The following POU2F1 variants were observed in gnomAD, a reference collection of about 807,000 sequenced individuals.
The protein encoded by POU2F1 is POU domain, class 2, transcription factor 1.
A neutral mutation model predicts 84.9 loss-of-function variants in POU2F1; 16 were observed. The observed-to-expected ratio is 0.19, with a 90% CI of 0.13 to 0.29. The LOEUF is 0.29. Ranked by LOEUF, POU2F1 falls within the 10% of genes least tolerant of loss-of-function variation. The pLI is 1.00. For missense variants in POU2F1, 738 were observed against 942.6 expected (o/e 0.78, Z 2.84); for synonymous variants, 368 against 368.3 (o/e 1.00, Z 0.01).
intron 1 of POU2F1, among the ~76,000 whole-genome samples, chr1:167,312,776 G>A (rs1176741895): frequency 6.6e-6 from 1 of 152,054 alleles, no homozygotes; most frequent in African/African-American, 2.4e-5. Flanking sequence ...CATGGTAAGT[G>A]CCCTATACAG....
At chr1:167,228,072 G>T (rs1648772378) in intron 1 of POU2F1, among the ~76,000 whole-genome samples, 1 of 152,292 alleles carries the variant, frequency 6.6e-6, no homozygotes, top group East Asian at 1.9e-4. Context: ...AAGGCTTTAT[G>T]TAGAAGGCGA....
chr1:167,328,773 A>G (rs1408924943), intron 1 of POU2F1, among the ~76,000 whole-genome samples: 2 of 152,188 alleles, frequency 1.3e-5, no homozygotes, highest in Admixed American at 6.5e-5. Flanking sequence ...TTAATATGCA[A>G]ATAGCCTGAT....
intron 13 of POU2F1, 64 bp downstream of exon 13, chr1:167,401,620 G>C: frequency 9.6e-7 from 1 of 1,045,052 alleles, no homozygotes. Flanking sequence ...GTTATTATAA[G>C]AGTCTACCAT....
intron 1 of POU2F1, among the ~76,000 whole-genome samples, chr1:167,245,411 ATTTT>A (rs985054717): frequency 7.5e-6 from 1 of 132,472 alleles, no homozygotes; most frequent in Non-Finnish European, 1.6e-5. Flanking sequence ...TGCCTGGCTA[ATTTT>A]TTTTTTTTTT....
chr1:167,315,069 G>C (rs1317704627), intron 1 of POU2F1, among the ~76,000 whole-genome samples: 1 of 152,082 alleles, frequency 6.6e-6, no homozygotes, highest in Non-Finnish European at 1.5e-5. Flanking sequence ...TACCATGATT[G>C]TAAGCCTCCT....
At chr1:167,340,298 T>G (rs909622365) in intron 2 of POU2F1, among the ~76,000 whole-genome samples, 8 of 152,128 alleles carry the variant, frequency 5.3e-5, no homozygotes, top group Admixed American at 5.2e-4. Context: ...CAGGCTGGTC[T>G]CGAACTCCTG....
At chr1:167,342,093 A>G (rs529779722) in intron 2 of POU2F1, among the ~76,000 whole-genome samples, 17 of 152,252 alleles carry the variant, frequency 1.1e-4, no homozygotes, top group African/African-American at 4.1e-4. Flanking sequence ...ATAGTGGGGT[A>G]TGGCAGGCCA....
chr1:167,289,954 C>G (rs1018261964), intron 1 of POU2F1, among the ~76,000 whole-genome samples: 1 of 152,126 alleles, frequency 6.6e-6, no homozygotes, highest in African/African-American at 2.4e-5. Context: ...ATTATAGTAA[C>G]TTGGAAGAGA....
chr1:167,404,081 A>G (rs1571453385), intron 13 of POU2F1, among the ~76,000 whole-genome samples: 1 of 152,126 alleles, frequency 6.6e-6, no homozygotes, highest in South Asian at 2.1e-4. Flanking sequence ...TTTCACTACA[A>G]GGTTTCAAAG....
chr1:167,231,225 GT>G (rs1037779120), intron 1 of POU2F1, among the ~76,000 whole-genome samples: 2 of 152,068 alleles, frequency 1.3e-5, no homozygotes, highest in Non-Finnish European at 2.9e-5. Context: ...TAGGTGAATA[GT>G]TTTCATACTT....
intron 11 of POU2F1, among the ~76,000 whole-genome samples, 188 bp from the exon 12 acceptor site, chr1:167,398,998 A>G (rs1453339836): frequency 1.3e-5 from 2 of 152,238 alleles, no homozygotes; most frequent in African/African-American, 2.4e-5. Context: ...TCCTAAGTTA[A>G]TATGAATAAG....
chr1:167,374,825 TG>T (rs1660221829), intron 6 of POU2F1, among the ~76,000 whole-genome samples: 1 of 152,160 alleles, frequency 6.6e-6, no homozygotes, highest in African/African-American at 2.4e-5. Flanking sequence ...CCCAGCACTT[TG>T]GGAGGCCGAG....
chr1:167,282,061 G>A (rs1270575777), intron 1 of POU2F1, among the ~76,000 whole-genome samples: 1 of 151,926 alleles, frequency 6.6e-6, no homozygotes, highest in Non-Finnish European at 1.5e-5. Context: ...AGGGTTCATG[G>A]ACTGGCTCCC....
Position 167,406,367 on chromosome 1 carries a change from C to T in POU2F1, c.1555+4811C>T, listed in dbSNP as rs140661646. The stretch of plus-strand genomic sequence containing the variant: ...GAAAGCTGAAATACAAAGGAACTGC[C>T]TCACCTGATAAAGAGCACTTACTAA... On this transcript the variant is annotated intron_variant, in intron 13 of 15. Transcript: ENST00000367866. Among the ~76,000 whole-genome samples, 218 of 152,250 alleles carry T rather than the reference C, an allele frequency of 1.4e-3. 1 individual carries two copies. The highest frequency in any genetic ancestry group is 5.0e-3 in the African/African-American group (206 of 41,522).
At position 167,332,457 on chromosome 1, in the gene POU2F1, T is replaced by C. The variant is rs1292638807; in HGVS notation, c.62-13T>C. On this transcript the variant is annotated splice_polypyrimidine_tract_variant and intron_variant, in intron 1 of 15. Transcript: ENST00000367866. ...GTTTTTTAAAAACCTTATTCTCCTC[T>C]GATTTATTGCAGACTCAAGAATGAA... The C allele has an allele frequency of 6.2e-7, 1 of 1,601,622 alleles. No individual in the cohort carries two copies. The highest frequency in any genetic ancestry group is 1.7e-5 in the Admixed American group (1 of 59,960).
At chr1:167,369,569 A>G (rs1399082265) in intron 3 of POU2F1, among the ~76,000 whole-genome samples, 1 of 152,166 alleles carries the variant, frequency 6.6e-6, no homozygotes, top group Admixed American at 6.5e-5. Flanking sequence ...AACTTTCTGA[A>G]TGTATGAAAT....
At chr1:167,407,948 A>G (rs1312584841) in intron 13 of POU2F1, among the ~76,000 whole-genome samples, 2 of 152,256 alleles carry the variant, frequency 1.3e-5, no homozygotes, top group African/African-American at 4.8e-5. Context: ...TTCAAAAGCC[A>G]CAGACTGAGA....
In POU2F1 at chr1:167,329,207, T is replaced by A. The variant is rs938817488; in HGVS notation, c.62-3263T>A. 3.3e-6 allele frequency: 5 copies of A among 1,535,300 alleles called. No individual in the cohort carries two copies. In the East Asian group the frequency reaches 1.2e-4, roughly 38 times the overall value. The stretch of plus-strand genomic sequence containing the variant: ...ATTTGTTAGAAATAGTAGTACCTTC[T>A]TTCCCCACCCCAAACTGCTACCTGT... On this transcript the variant is annotated intron_variant, in intron 1 of 15. Transcript: ENST00000367866.
At chr1:167,395,023 T>C (rs1479061596) in intron 9 of POU2F1, among the ~76,000 whole-genome samples, 2 of 152,192 alleles carry the variant, frequency 1.3e-5, no homozygotes, top group Non-Finnish European at 2.9e-5. Flanking sequence ...AGTTGTATAG[T>C]ACTTTGGACC....
Sources: gnomAD v4.1 joint callset for allele counts (sites outside exome capture counted in the v4.1 genomes callset) on GRCh38, gnomAD v4.1.1 for gene constraint, MANE v1.5 for transcripts, NCBI Gene and HGNC (gene_info 2026-07-23, HGNC 2026-07-21) for gene names.